The following BLNK variants were observed in gnomAD, a reference collection of about 807,000 sequenced individuals.
The protein encoded by BLNK is B cell linker, also known as B-cell linker protein.
BLNK carries 29 observed loss-of-function variants against 73.5 expected under a neutral mutation model. The observed-to-expected ratio is 0.39, with a 90% CI of 0.29 to 0.54. BLNK has a LOEUF of 0.54. BLNK is among the 20% of genes least tolerant of loss of function. BLNK has a pLI of 0.61. For synonymous variants in BLNK, 176 were observed against 200.8 expected (o/e 0.88, Z 1.04); for missense variants, 460 against 562.8 (o/e 0.82, Z 1.85).
intron 6 of BLNK, among the ~76,000 whole-genome samples, chr10:96,219,642 A>G (rs371783325): frequency 1.9e-4 from 29 of 152,252 alleles, no homozygotes; most frequent in African/African-American, 6.8e-4. Context: ...TTTGTTCTGC[A>G]GTGCTTGATT....
intron 15 of BLNK, among the ~76,000 whole-genome samples, chr10:96,198,416 C>T (rs186144273): frequency 2.7e-4 from 41 of 152,274 alleles, no homozygotes; most frequent in Non-Finnish European, 5.1e-4. Context: ...ATTGAAAGGG[C>T]TTCTGTCTAC....
At chr10:96,256,145 C>A (rs923876455) in intron 1 of BLNK, among the ~76,000 whole-genome samples, 4 of 151,410 alleles carry the variant, frequency 2.6e-5, no homozygotes, top group Non-Finnish European at 5.9e-5. Flanking sequence ...CTGCAAGAAC[C>A]CCTGGGGGCT....
At chr10:96,233,231 C>T (rs1842571756) in intron 3 of BLNK, among the ~76,000 whole-genome samples, 1 of 152,186 alleles carries the variant, frequency 6.6e-6, no homozygotes, top group South Asian at 2.1e-4. Flanking sequence ...CACTTCCCTG[C>T]CTGGATAACT....
chr10:96,214,740 T>C (rs1327193877), intron 8 of BLNK, among the ~76,000 whole-genome samples: 1 of 152,072 alleles, frequency 6.6e-6, no homozygotes, highest in Non-Finnish European at 1.5e-5. Context: ...TGAATCCAGA[T>C]TAATCGATGA....
chr10:96,253,831 C>T (rs917240653), intron 1 of BLNK, among the ~76,000 whole-genome samples: 34 of 151,142 alleles, frequency 2.2e-4, no homozygotes, highest in African/African-American at 4.4e-4. Context: ...TTGGCTAACA[C>T]GGTGAAACCC....
intron 1 of BLNK, among the ~76,000 whole-genome samples, chr10:96,250,567 A>T (rs1843243456): frequency 6.6e-6 from 1 of 152,214 alleles, no homozygotes; most frequent in Non-Finnish European, 1.5e-5. Flanking sequence ...CTTTAGGCTA[A>T]GTTAATGCTT....
In BLNK at chr10:96,248,985, G is replaced by A. The variant is rs575812172; in HGVS notation, c.48-1936C>T. Reference sequence around the variant, plus strand: ...TAATGGGAGGATAGGGCCATGTTATGTTTTCCTCATAATAATTTTCTGACT... The same window carrying A: ...TAATGGGAGGATAGGGCCATGTTATATTTTCCTCATAATAATTTTCTGACT... On this transcript the variant is annotated intron_variant, in intron 1 of 16. Coordinates refer to ENST00000224337, the MANE Select transcript of BLNK (RefSeq NM_013314.4). Among the ~76,000 whole-genome samples the A allele has an allele frequency of 3.3e-5, 5 of 152,252 alleles. No homozygotes were observed. In the South Asian group the frequency reaches 1.0e-3, roughly 32 times the overall value.
chr10:96,233,496 C>T (rs1430136032), intron 3 of BLNK, among the ~76,000 whole-genome samples: 1 of 151,182 alleles, frequency 6.6e-6, no homozygotes, highest in African/African-American at 2.4e-5. Flanking sequence ...CCTCTGCCTT[C>T]TGTCCCACCA....
chr10:96,210,950 G>T (rs1002061957), intron 8 of BLNK, among the ~76,000 whole-genome samples: 1 of 150,414 alleles, frequency 6.6e-6, no homozygotes, highest in African/African-American at 2.5e-5. Flanking sequence ...CTTACTGGAG[G>T]CTTCAAACTC....
chr10:96,266,946 C>A (rs1554914417), intron 1 of BLNK, among the ~76,000 whole-genome samples: 1 of 152,218 alleles, frequency 6.6e-6, no homozygotes, highest in African/African-American at 2.4e-5. Context: ...GGTCTTCACA[C>A]AAGCCTGTGA....
At position 96,256,025 on chromosome 10, in the gene BLNK, C is replaced by T. The variant is rs7918665; in HGVS notation, c.48-8976G>A. Among the ~76,000 whole-genome samples, 1,149 of 152,190 alleles carry T rather than the reference C, an allele frequency of 7.5e-3. 11 individuals carry two copies. Among genetic ancestry groups the T allele is most frequent in the African/African-American group, 0.024 (982 of 41,482 alleles). On this transcript the variant is annotated intron_variant, in intron 1 of 16. Coordinates refer to ENST00000224337, the MANE Select transcript of BLNK (RefSeq NM_013314.4). The stretch of plus-strand genomic sequence containing the variant: ...AACAGCTCGATGATAGAAAATTGAA[C>T]ACTGCCAATAAGAAAAAGGAAAAGG...
At chr10:96,230,733 A>G (rs1842466240) in intron 4 of BLNK, 61 bp downstream of exon 4, 2 of 1,546,002 alleles carry the variant, frequency 1.3e-6, no homozygotes, top group Admixed American at 1.9e-5. Context: ...CAGAAATAAG[A>G]TCTTCAAAAG....
At position 96,204,203 on chromosome 10, in the gene BLNK, T is replaced by G. The variant is rs937297634; in HGVS notation, c.903-115A>C. ...CACATCACAAATAAATCAATACAAA[T>G]GGCCAATAAAATGTATCTAAAGATA... On this transcript the variant is annotated intron_variant, in intron 12 of 16. Transcript: ENST00000224337. 1.3e-5 allele frequency: 15 copies of G among 1,146,368 alleles called. No individual in the cohort carries two copies. The African/African-American group carries it at 2.0e-4, about 15-fold the overall frequency. The allele number at this position is 1,146,368 out of a possible 1,614,324, so 71.0% of individuals were successfully genotyped here.
chr10:96,271,101 C>T (rs908591942), intron 1 of BLNK, among the ~76,000 whole-genome samples: 3 of 152,184 alleles, frequency 2.0e-5, no homozygotes, highest in Admixed American at 6.5e-5. Flanking sequence ...CAGAGCTTTA[C>T]ACTTTATTGT....
chr10:96,260,376 G>A (rs1014270096), intron 1 of BLNK, among the ~76,000 whole-genome samples: 7 of 152,144 alleles, frequency 4.6e-5, no homozygotes, highest in Admixed American at 1.3e-4. Flanking sequence ...CAAAACTGAC[G>A]TCTCTTAAAT....
At chr10:96,252,154 C>T (rs1199151399) in intron 1 of BLNK, among the ~76,000 whole-genome samples, 5 of 152,124 alleles carry the variant, frequency 3.3e-5, no homozygotes, top group African/African-American at 4.8e-5. Flanking sequence ...CAGATTCAAG[C>T]GATTCTCCTG....
At chr10:96,249,638 G>C (rs2134100743) in intron 1 of BLNK, among the ~76,000 whole-genome samples, 1 of 152,330 alleles carries the variant, frequency 6.6e-6, no homozygotes, top group Middle Eastern at 3.4e-3. Context: ...TGGCTGTTAG[G>C]CGCTAGAGTG....
intron 6 of BLNK, 141 bp from the exon 7 acceptor site, chr10:96,216,875 G>C (rs587722675): frequency 1.3e-6 from 1 of 751,530 alleles, no homozygotes; most frequent in African/African-American, 1.7e-5. Context: ...GTACAATTTG[G>C]TGACTTTTAG....
intron 5 of BLNK, among the ~76,000 whole-genome samples, chr10:96,225,139 G>A (rs371165184): frequency 6.6e-6 from 1 of 152,200 alleles, no homozygotes; most frequent in African/African-American, 2.4e-5. Flanking sequence ...TGTGAGAGAG[G>A]CGTTAGGCGG....
Sources: gnomAD v4.1 joint callset for allele counts (sites outside exome capture counted in the v4.1 genomes callset) on GRCh38, gnomAD v4.1.1 for gene constraint, MANE v1.5 for transcripts, NCBI Gene and HGNC (gene_info 2026-07-23, HGNC 2026-07-21) for gene names.